RAPGEF4: variants seen among roughly 807,000 people sequenced by gnomAD.
RAPGEF4 encodes the protein Rap guanine nucleotide exchange factor 4.
In RAPGEF4, 66 loss-of-function variants were observed where a neutral mutation model predicts 147.9. The ratio of observed to expected loss-of-function variants is 0.45; its 90% confidence interval spans 0.37 to 0.55. The LOEUF is 0.55. Among genes scored for constraint, RAPGEF4 ranks in the 20% least tolerant of loss-of-function variants. The pLI is 0.00. For missense variants in RAPGEF4, 1,071 were observed against 1,257.3 expected (o/e 0.85, Z 2.24); for synonymous variants, 419 against 442.7 (o/e 0.95, Z 0.67).
intron 4 of RAPGEF4, among the ~76,000 whole-genome samples, chr2:172,876,923 G>T (rs977182874): frequency 1.2e-4 from 18 of 152,140 alleles, no homozygotes; most frequent in Admixed American, 7.9e-4. Flanking sequence ...TAATTTCAGA[G>T]CCTGTTATTG....
At chr2:172,853,124 A>C (rs1402849507) in intron 4 of RAPGEF4, among the ~76,000 whole-genome samples, 2 of 151,860 alleles carry the variant, frequency 1.3e-5, no homozygotes, top group Non-Finnish European at 2.9e-5. Context: ...TTTTTATTAG[A>C]TTTTGGTATC....
At chr2:172,864,265 C>T (rs1694365014) in intron 4 of RAPGEF4, among the ~76,000 whole-genome samples, 1 of 152,066 alleles carries the variant, frequency 6.6e-6, no homozygotes, top group South Asian at 2.1e-4. Flanking sequence ...GGAAAAACAG[C>T]AGGTTTAAAG....
At chr2:172,827,160 A>G (rs1220308986) in intron 4 of RAPGEF4, among the ~76,000 whole-genome samples, 1 of 152,148 alleles carries the variant, frequency 6.6e-6, no homozygotes, top group African/African-American at 2.4e-5. Flanking sequence ...TAATAAATTA[A>G]AAGCCTTCGG....
chr2:172,969,742 AT>A (rs1690255819), intron 10 of RAPGEF4, among the ~76,000 whole-genome samples: 1 of 152,240 alleles, frequency 6.6e-6, no homozygotes, highest in Non-Finnish European at 1.5e-5. Context: ...TGCTAGGAAC[AT>A]TCATGCTAAT....
At chr2:172,970,743 T>C (rs1690387041) in intron 10 of RAPGEF4, among the ~76,000 whole-genome samples, 1 of 152,238 alleles carries the variant, frequency 6.6e-6, no homozygotes, top group Non-Finnish European at 1.5e-5. Context: ...TGTTCTGTAG[T>C]TTAAAAAACA....
In RAPGEF4 at chr2:173,020,601, G is replaced by A; in HGVS notation, c.2156-17G>A. ...AGATGTATTTAATAGGCAATCTCAT[G>A]CTTTTTATGTTCACAGAAAAGGTGG... On this transcript the variant is annotated splice_polypyrimidine_tract_variant and intron_variant, in intron 22 of 30. Transcript: ENST00000397081. 6.2e-7 allele frequency: 1 copy of A among 1,600,042 alleles called. No homozygotes were observed. The highest frequency in any genetic ancestry group is 8.6e-7 in the Non-Finnish European group (1 of 1,167,480).
At chr2:172,843,896 A>G (rs1691884485) in intron 4 of RAPGEF4, among the ~76,000 whole-genome samples, 1 of 152,238 alleles carries the variant, frequency 6.6e-6, no homozygotes, top group South Asian at 2.1e-4. Context: ...AGCTGTACAC[A>G]GGAATTGTTC....
chr2:172,809,297 G>T (rs965536058), intron 3 of RAPGEF4, among the ~76,000 whole-genome samples: 5 of 152,158 alleles, frequency 3.3e-5, no homozygotes, highest in Admixed American at 6.5e-5. Context: ...GGTGGAGATG[G>T]GCAGTGGGCA....
chr2:172,981,133 G>A (rs926141825), intron 10 of RAPGEF4, among the ~76,000 whole-genome samples: 7 of 152,054 alleles, frequency 4.6e-5, no homozygotes, highest in Admixed American at 6.5e-5. Flanking sequence ...TCCTCTCACC[G>A]TAACAGCCCA....
chr2:173,028,757 A>G lies in RAPGEF4; in HGVS notation c.2559-1407A>G, dbSNP rs533907409. On this transcript the variant is annotated intron_variant, in intron 25 of 30. Coordinates refer to ENST00000397081, the MANE Select transcript of RAPGEF4 (RefSeq NM_007023.4). Reference sequence around the variant, plus strand: ...AGACTTTTTAAATCCGAGATCTACAAGAATGAGGTTGAAACCTCGTGACAG... The same window carrying G: ...AGACTTTTTAAATCCGAGATCTACAGGAATGAGGTTGAAACCTCGTGACAG... 6.7e-4 allele frequency among the ~76,000 whole-genome samples: 96 copies of G among 142,974 alleles called. 1 individual carries two copies. The highest frequency in any genetic ancestry group is 2.4e-3 in the African/African-American group (92 of 38,726). The allele number at this position is 142,974 out of a possible 152,430, so 93.8% of individuals were successfully genotyped here.
intron 17 of RAPGEF4, among the ~76,000 whole-genome samples, chr2:173,005,976 C>T (rs988097588): frequency 0.016 from 32 of 2,028 alleles, no homozygotes; most frequent in African/African-American, 0.017. Context: ...CCTTATTACT[C>T]GGTATTCTAG....
chr2:172,891,262 C>T (rs1014481789), intron 4 of RAPGEF4, among the ~76,000 whole-genome samples: 1 of 152,200 alleles, frequency 6.6e-6, no homozygotes, highest in Non-Finnish European at 1.5e-5. Context: ...TTTTATCTTT[C>T]TTCCCTTCAT....
chr2:172,777,747 A>C (rs1684313361), intron 1 of RAPGEF4, among the ~76,000 whole-genome samples: 1 of 152,296 alleles, frequency 6.6e-6, no homozygotes, highest in Admixed American at 6.5e-5. Context: ...CCTGTGTTCC[A>C]GAAAGTGTTT....
chr2:173,023,139 C>T (rs188636902), intron 23 of RAPGEF4, among the ~76,000 whole-genome samples: 3 of 152,264 alleles, frequency 2.0e-5, no homozygotes, highest in Non-Finnish European at 4.4e-5. Flanking sequence ...TGTGGGCACA[C>T]GAGGAAAGGA....
intron 4 of RAPGEF4, among the ~76,000 whole-genome samples, chr2:172,819,162 A>G (rs1265949731): frequency 6.6e-6 from 1 of 152,058 alleles, no homozygotes; most frequent in East Asian, 1.9e-4. Context: ...TCAATTTCCA[A>G]TTTTGGTCAG....
At chr2:172,925,777 A>AAGAGAGAGAGAGAGAGAGAGAGAGAG (rs67773579) in intron 6 of RAPGEF4, among the ~76,000 whole-genome samples, 3 of 133,804 alleles carry the variant, frequency 2.2e-5, no homozygotes, top group Non-Finnish European at 4.7e-5. Context: ...GAAAGAAAGA[A>AAGAGAGAGAGAGAGAGAGAGAGAGAG]AGAGAGAGAG....
chr2:172,947,263 TTAAA>T (rs1401071257), intron 6 of RAPGEF4, among the ~76,000 whole-genome samples: 1 of 152,214 alleles, frequency 6.6e-6, no homozygotes, highest in Non-Finnish European at 1.5e-5. Context: ...CAGCTAGTAT[TTAAA>T]TAAAATAGCT....
intron 4 of RAPGEF4, among the ~76,000 whole-genome samples, chr2:172,874,599 A>G (rs1230843977): frequency 1.3e-5 from 2 of 152,226 alleles, no homozygotes; most frequent in African/African-American, 2.4e-5. Context: ...ATGGCTATAT[A>G]GTATTCCATG....
At chr2:172,892,714 C>G (rs769220764) in intron 4 of RAPGEF4, among the ~76,000 whole-genome samples, 13 of 152,334 alleles carry the variant, frequency 8.5e-5, no homozygotes, top group Middle Eastern at 3.4e-3. Context: ...TCTTTCCTTC[C>G]TTCCCTGTCT....
Sources: allele counts gnomAD v4.1 joint callset (sites outside exome capture counted in the v4.1 genomes callset), GRCh38; gene constraint gnomAD v4.1.1; transcripts MANE v1.5; gene names NCBI Gene and HGNC (gene_info 2026-07-23, HGNC 2026-07-21).